Variants in NAV2 observed in about 807,000 individuals in gnomAD.
NAV2 encodes helicase, APC down-regulated 1.
A neutral mutation model predicts 223.2 loss-of-function variants in NAV2; 54 were observed. The ratio of observed to expected loss-of-function variants is 0.24; its 90% CI spans 0.19 to 0.30. The LOEUF (loss-of-function observed/expected upper bound fraction) is 0.30, where lower values mean the gene tolerates loss of function less well. Among genes scored for constraint, NAV2 ranks in the 10% least tolerant of loss-of-function variants. The pLI, the probability that NAV2 is intolerant of heterozygous loss-of-function variation, is 1.00. For synonymous variants in NAV2, 1,279 were observed against 1,239.3 expected, an observed-to-expected ratio of 1.03 and a Z score of -0.67; for missense variants, 2,806 against 3,147.5, an observed-to-expected ratio of 0.89 and a Z score of 2.60.
rs574160723 is a variant in NAV2 at position 19,750,078 on chromosome 11, C to T, written c.267+36116C>T. On this transcript the variant is annotated intron_variant, in intron 1 of 37. Transcript: ENST00000349880. ...AGTCAGTTCTCAATTCCATAAAGTTCGGCATTACTTGATTTCTCTAACGAA... is the reference window on the plus strand; with the variant it reads ...AGTCAGTTCTCAATTCCATAAAGTTTGGCATTACTTGATTTCTCTAACGAA... Among the ~76,000 whole-genome samples, 160 of 152,274 alleles carry T rather than the reference C, an allele frequency of 1.1e-3. 2 individuals are homozygous for T. The highest frequency in any genetic ancestry group is 3.6e-3 in the African/African-American group (149 of 41,544).
rs776545060 is a variant in NAV2 at position 20,054,116 on chromosome 11, T to C, written c.4518T>C (p.Asp1506=). ...CCTCCCAGCTTCGCACGCAAGAAGA[T>C]GCAAAAGAATGGTTACGGTCCCATT... is the stretch of plus-strand genomic sequence containing the variant. ...TPTSQLRTQE[D]AKEWLRSHSA... is the part of the protein sequence containing the mutation. Residue 1506 remains aspartate, a synonymous_variant, in exon 18 of 38, where the codon GAT becomes GAC. Coordinates refer to ENST00000349880, the MANE Select transcript of NAV2 (RefSeq NM_145117.5). 2 of 1,612,766 alleles carry C rather than the reference T, an allele frequency of 1.2e-6. No individual in the cohort carries two copies. The highest frequency in any genetic ancestry group is 3.4e-5 in the Admixed American group (2 of 59,472).
At chr11:19,691,310 A>G (rs1292473657) in intron 1 of NAV2, among the ~76,000 whole-genome samples, 2 of 152,210 alleles carry the variant, frequency 1.3e-5, no homozygotes, top group East Asian at 3.8e-4. Flanking sequence ...TTAACCCAAT[A>G]TATCCAAAAT....
chr11:19,365,407 A>T (rs778043148), intron 1 of NAV2, among the ~76,000 whole-genome samples: 1 of 152,240 alleles, frequency 6.6e-6, no homozygotes, highest in Non-Finnish European at 1.5e-5. Flanking sequence ...GGTCAAAATG[A>T]TGAAAGTCCT....
intron 11 of NAV2, among the ~76,000 whole-genome samples, chr11:19,996,621 C>T (rs1275201441): frequency 6.6e-6 from 1 of 152,218 alleles, no homozygotes; most frequent in Non-Finnish European, 1.5e-5. Context: ...CACCAGTTGA[C>T]CTTCAGGGTC....
At chr11:19,581,222 T>G (rs1476967818) in intron 1 of NAV2, among the ~76,000 whole-genome samples, 2 of 152,208 alleles carry the variant, frequency 1.3e-5, no homozygotes, top group East Asian at 3.8e-4. Flanking sequence ...CTTGGTTTTT[T>G]TACTTTCTTT....
chr11:19,818,623 T>C (rs2059226876), intron 1 of NAV2, among the ~76,000 whole-genome samples: 1 of 152,234 alleles, frequency 6.6e-6, no homozygotes, highest in Non-Finnish European at 1.5e-5. Context: ...CAAAATTTAC[T>C]GAAAATGTTA....
intron 1 of NAV2, among the ~76,000 whole-genome samples, chr11:19,439,869 C>G (rs1851338054): frequency 6.6e-6 from 1 of 152,196 alleles, no homozygotes; most frequent in Non-Finnish European, 1.5e-5. Flanking sequence ...TTCTGAACAT[C>G]AGTCCTCATT....
At chr11:19,531,611 G>A (rs981834670) in intron 1 of NAV2, among the ~76,000 whole-genome samples, 3 of 152,230 alleles carry the variant, frequency 2.0e-5, no homozygotes, top group African/African-American at 7.2e-5. Context: ...GGAGGGATGG[G>A]ATTGCCAGTT....
At position 19,362,757 on chromosome 11, in the gene NAV2, CAT is replaced by C. The variant is rs571638871; in HGVS notation, c.75+11732_75+11733del. 2.0e-3 allele frequency among the ~76,000 whole-genome samples: 310 copies of C among 152,204 alleles called. 2 individuals are homozygous for C. The highest frequency in any genetic ancestry group is 3.5e-3 in the Non-Finnish European group (241 of 68,012). ...TGTGCCTCAGTTTCTTCATCTATAA[CAT>C]AGGGTAATAATAGTATTATTATCAT... On this transcript the variant is annotated intron_variant, in intron 1 of 37. Coordinates refer to the NAV2 transcript ENST00000360655.
intron 28 of NAV2, among the ~76,000 whole-genome samples, chr11:20,092,628 G>T (rs183291890): frequency 3.3e-5 from 5 of 152,076 alleles, no homozygotes; most frequent in African/African-American, 1.2e-4. Flanking sequence ...TGCTGAGTTT[G>T]TTTGATCCAT....
In NAV2 at chr11:20,077,596, A is replaced by G. The variant is rs771310497; in HGVS notation, c.5028A>G (p.Thr1676=). Residue 1676 remains threonine, a synonymous_variant, in exon 23 of 38, where the codon ACA becomes ACG. Coordinates refer to ENST00000349880, the MANE Select transcript of NAV2 (RefSeq NM_145117.5). ...TTGAACAGAGTCTTGGTAACATGACAATCAGGCTCCAGAGTCTGACCATGA... is the reference window on the plus strand; with the variant it reads ...TTGAACAGAGTCTTGGTAACATGACGATCAGGCTCCAGAGTCTGACCATGA... ...AAFEQSLGNM[T]IRLQSLTMTA... The G allele has an allele frequency of 1.2e-6, 2 of 1,614,160 alleles. No homozygotes were observed. The highest frequency in any genetic ancestry group is 4.5e-5 in the East Asian group (2 of 44,878).
At chr11:19,824,122 A>C (rs1008364772) in intron 1 of NAV2, among the ~76,000 whole-genome samples, 1 of 152,224 alleles carries the variant, frequency 6.6e-6, no homozygotes, top group African/African-American at 2.4e-5. Context: ...TATTTACTAC[A>C]TACTATGTGC....
chr11:19,855,854 C>T (rs928726744), intron 3 of NAV2, among the ~76,000 whole-genome samples: 1 of 152,180 alleles, frequency 6.6e-6, no homozygotes, highest in Non-Finnish European at 1.5e-5. Context: ...CATAACCAGT[C>T]TTGTGAGACT....
Position 19,770,353 on chromosome 11 carries a change from A to C in NAV2, c.267+56391A>C, listed in dbSNP as rs146043982. 4.3e-3 allele frequency among the ~76,000 whole-genome samples: 653 copies of C among 152,202 alleles called. 5 individuals are homozygous for C. The highest frequency in any genetic ancestry group is 0.011 in the Admixed American group (173 of 15,286). On this transcript the variant is annotated intron_variant, in intron 1 of 37. Coordinates refer to ENST00000349880, the MANE Select transcript of NAV2 (RefSeq NM_145117.5). ...TTAAGGCACTTCCCAAAATGGCCAC[A>C]GGTCCCCATGCCCTGACCCTAGAGG...
chr11:20,041,755 G>C (rs988803444), intron 12 of NAV2, among the ~76,000 whole-genome samples: 1 of 152,134 alleles, frequency 6.6e-6, no homozygotes, highest in African/African-American at 2.4e-5. Flanking sequence ...GTTATTTTCT[G>C]CCTCAGGACC....
At chr11:19,826,819 A>T (rs956096188) in intron 1 of NAV2, among the ~76,000 whole-genome samples, 6 of 152,338 alleles carry the variant, frequency 3.9e-5, no homozygotes, top group Admixed American at 3.9e-4. Context: ...AGCCCACATC[A>T]TGTAAGTCTC....
chr11:19,460,048 C>T (rs906065900), intron 1 of NAV2, among the ~76,000 whole-genome samples: 1 of 152,198 alleles, frequency 6.6e-6, no homozygotes, highest in Non-Finnish European at 1.5e-5. Flanking sequence ...AGATACTTAA[C>T]CTTTCTTTGC....
At chr11:19,348,257 A>C (rs1853108518), upstream of NAV2, among the ~76,000 whole-genome samples, 1 of 152,228 alleles carries the variant, frequency 6.6e-6, no homozygotes, top group Non-Finnish European at 1.5e-5. Flanking sequence ...GAGAAAGCCC[A>C]GAGCTGTCAA....
intron 20 of NAV2, among the ~76,000 whole-genome samples, chr11:20,063,875 C>T (rs2058869475): frequency 6.6e-6 from 1 of 152,140 alleles, no homozygotes; most frequent in African/African-American, 2.4e-5. Context: ...AATAAGAGGA[C>T]ACCCCAGAAT....
Sources: allele counts gnomAD v4.1 joint callset (sites outside exome capture counted in the v4.1 genomes callset), GRCh38; gene constraint gnomAD v4.1.1; transcripts MANE v1.5; gene names NCBI Gene and HGNC (gene_info 2026-07-23, HGNC 2026-07-21).